NCKAP5: variants seen among roughly 807,000 people sequenced by gnomAD.
NCKAP5 encodes the protein nck-associated protein 5.
NCKAP5 carries 92 observed loss-of-function variants against 167.0 expected under a neutral mutation model. The observed-to-expected ratio is 0.55, with a 90% CI of 0.47 to 0.66. The LOEUF (loss-of-function observed/expected upper bound fraction) is 0.66. Ranked by LOEUF, NCKAP5 falls within the 30% of genes least tolerant of loss-of-function variation. The pLI, the probability that NCKAP5 is intolerant of heterozygous loss-of-function variation, is 0.00. For synonymous variants in NCKAP5, 891 were observed against 877.4 expected, an observed-to-expected ratio of 1.02 and a Z score of -0.27; for missense variants, 2,378 against 2,315.0, an observed-to-expected ratio of 1.03 and a Z score of -0.56.
rs72992820 is a variant in NCKAP5 at position 132,866,338 on chromosome 2, A to G, written c.687+2598T>C. On this transcript the variant is annotated intron_variant, in intron 10 of 19. Coordinates refer to ENST00000409261, the MANE Select transcript of NCKAP5 (RefSeq NM_207363.3). ...AAGATAAAATATATTTCAGATAACA[A>G]TATGAATTTAACCTGAATTACTGAT... 1.1e-3 allele frequency among the ~76,000 whole-genome samples: 175 copies of G among 152,342 alleles called. 1 individual carries two copies. Among genetic ancestry groups the G allele is most frequent in the African/African-American group, 4.0e-3 (168 of 41,592 alleles).
At chr2:133,567,494 AG>A (rs1397575130) in intron 1 of NCKAP5, among the ~76,000 whole-genome samples, 8 of 152,236 alleles carry the variant, frequency 5.3e-5, no homozygotes, top group Admixed American at 5.2e-4. Flanking sequence ...TCAGTGTCAA[AG>A]TTTGCCTTTT....
Position 132,805,546 on chromosome 2 carries a change from A to G in NCKAP5, c.808-8817T>C, listed in dbSNP as rs574841766. Among the ~76,000 whole-genome samples the G allele has an allele frequency of 5.9e-5, 9 of 151,896 alleles. No individual in the cohort carries two copies. In the South Asian group the frequency reaches 1.9e-3, roughly 32 times the overall value. ...TTATTATTATTCCATGGTTATCACTATTGGTATTTGATTGGTATTGTTAAT... is the reference window on the plus strand; with the variant it reads ...TTATTATTATTCCATGGTTATCACTGTTGGTATTTGATTGGTATTGTTAAT... On this transcript the variant is annotated intron_variant, in intron 11 of 19. Coordinates refer to ENST00000409261, the MANE Select transcript of NCKAP5 (RefSeq NM_207363.3).
intron 4 of NCKAP5, 53 bp downstream of exon 4, chr2:133,302,984 A>G: frequency 8.1e-7 from 1 of 1,233,142 alleles, no homozygotes; most frequent in South Asian, 1.3e-5. Flanking sequence ...AGATCAGCAA[A>G]GCTATAAAGG....
chr2:133,196,873 T>C (rs1157351069), intron 5 of NCKAP5, among the ~76,000 whole-genome samples: 1 of 152,126 alleles, frequency 6.6e-6, no homozygotes, highest in East Asian at 1.9e-4. Flanking sequence ...AAATCTGCAC[T>C]GATGGTGGCA....
chr2:133,021,104 T>G (rs1279756150), intron 6 of NCKAP5, among the ~76,000 whole-genome samples: 3 of 152,242 alleles, frequency 2.0e-5, no homozygotes, highest in Non-Finnish European at 4.4e-5. Flanking sequence ...TTTATTTATG[T>G]TAGGGGAAAC....
chr2:133,601,452 G>A, the NCKAP5 span, among the ~76,000 whole-genome samples: 10 of 152,300 alleles, frequency 6.6e-5, no homozygotes, highest in Admixed American at 2.0e-4. Flanking sequence ...TACCTTGGCC[G>A]GGTGCAGTGT....
At chr2:132,830,670 T>C (rs183842732) in intron 11 of NCKAP5, among the ~76,000 whole-genome samples, 1 of 152,318 alleles carries the variant, frequency 6.6e-6, no homozygotes, top group Admixed American at 6.5e-5. Flanking sequence ...ATAGCTGCTT[T>C]CTCTCACTGG....
chr2:133,421,696 C>T (rs1034491681), intron 3 of NCKAP5, among the ~76,000 whole-genome samples: 1 of 152,226 alleles, frequency 6.6e-6, no homozygotes, highest in Admixed American at 6.5e-5. Context: ...CAAGAGCCAA[C>T]CAGTGACCTC....
chr2:132,760,327 G>A (rs760789578), intron 16 of NCKAP5, among the ~76,000 whole-genome samples: 1 of 152,064 alleles, frequency 6.6e-6, no homozygotes, highest in East Asian at 1.9e-4. Context: ...CTTGGAAAAT[G>A]TCTTTGTTCT....
chr2:133,471,223 C>T (rs74445666), intron 3 of NCKAP5, among the ~76,000 whole-genome samples: 1 of 152,166 alleles, frequency 6.6e-6, no homozygotes, highest in Non-Finnish European at 1.5e-5. Context: ...GCACACCCCT[C>T]TTTTGTGGGT....
intron 11 of NCKAP5, among the ~76,000 whole-genome samples, chr2:132,832,436 T>C (rs1482632018): frequency 1.3e-5 from 2 of 152,168 alleles, no homozygotes; most frequent in Non-Finnish European, 2.9e-5. Context: ...ATAGATTGCA[T>C]AATGGTCCCA....
intron 6 of NCKAP5, among the ~76,000 whole-genome samples, chr2:133,031,846 T>A (rs983654177): frequency 2.0e-5 from 3 of 152,004 alleles, no homozygotes; most frequent in Non-Finnish European, 4.4e-5. Flanking sequence ...AGACCACATA[T>A]CTAGAAACAC....
intron 8 of NCKAP5, among the ~76,000 whole-genome samples, chr2:132,962,794 T>C (rs922641431): frequency 5.3e-5 from 8 of 152,136 alleles, no homozygotes; most frequent in Non-Finnish European, 1.2e-4. Context: ...GGTTTCACCT[T>C]GTTAGCCAGG....
chr2:132,946,637 C>T (rs1016674129), intron 8 of NCKAP5, among the ~76,000 whole-genome samples: 3 of 152,130 alleles, frequency 2.0e-5, no homozygotes, highest in African/African-American at 7.2e-5. Flanking sequence ...TGGCTCACAC[C>T]GGTAATCCTA....
intron 5 of NCKAP5, among the ~76,000 whole-genome samples, chr2:133,140,403 A>ACAAT (rs1345372431): frequency 6.6e-6 from 1 of 152,160 alleles, no homozygotes; most frequent in African/African-American, 2.4e-5. Context: ...GTACTCCACA[A>ACAAT]CAATCGGTGA....
intron 6 of NCKAP5, among the ~76,000 whole-genome samples, chr2:133,020,107 A>T (rs1443641944): frequency 6.6e-6 from 1 of 152,278 alleles, no homozygotes; most frequent in East Asian, 1.9e-4. Flanking sequence ...TATGAATTCA[A>T]TATTTATTAT....
intron 6 of NCKAP5, among the ~76,000 whole-genome samples, chr2:133,027,057 T>C (rs116350355): frequency 2.9e-4 from 44 of 152,274 alleles, no homozygotes; most frequent in African/African-American, 1.0e-3. Context: ...AGGGAGTAAA[T>C]GCATCAGGGA....
intron 3 of NCKAP5, among the ~76,000 whole-genome samples, chr2:133,515,095 G>A (rs1683871638): frequency 6.6e-6 from 1 of 152,058 alleles, no homozygotes; most frequent in Admixed American, 6.5e-5. Context: ...GAAGAAGAGG[G>A]CAACATCTTG....
At chr2:133,126,367 A>G (rs2082404759) in intron 6 of NCKAP5, among the ~76,000 whole-genome samples, 1 of 152,220 alleles carries the variant, frequency 6.6e-6, no homozygotes, top group Admixed American at 6.5e-5. Context: ...CATTCATAGT[A>G]TTAGAAAAGC....
Sources: allele counts gnomAD v4.1 joint callset (sites outside exome capture counted in the v4.1 genomes callset), GRCh38; gene constraint gnomAD v4.1.1; transcripts MANE v1.5; gene names NCBI Gene and HGNC (gene_info 2026-07-23, HGNC 2026-07-21).